Variants in TRERF1 observed in about 807,000 individuals in gnomAD.
The protein encoded by TRERF1 is transcriptional-regulating factor 1.
Under a neutral mutation model 122.9 loss-of-function variants are expected in TRERF1, and 27 were observed. The ratio of observed to expected loss-of-function variants is 0.22; its 90% CI spans 0.16 to 0.30. The LOEUF is 0.30. Among genes scored for constraint, TRERF1 ranks in the 10% least tolerant of loss-of-function variants. The pLI is 1.00. For synonymous variants in TRERF1, 636 were observed against 641.7 expected, an observed-to-expected ratio of 0.99 and a Z score of 0.13; for missense variants, 1,248 against 1,560.3, an observed-to-expected ratio of 0.80 and a Z score of 3.37.
In TRERF1 at chr6:42,327,055, C is replaced by T. The variant is rs551049503; in HGVS notation, c.-370-26306G>A. The stretch of plus-strand genomic sequence containing the variant: ...CAGAATCCTTGAGACATCTAAGAAT[C>T]CTCTGATGTTATACAATGCCCACAA... On this transcript the variant is annotated intron_variant, in intron 3 of 17. Transcript: ENST00000372922. Among the ~76,000 whole-genome samples the T allele has an allele frequency of 8.1e-4, 123 of 152,228 alleles. 1 individual carries two copies. The highest frequency in any genetic ancestry group is 2.9e-3 in the African/African-American group (121 of 41,526).
chr6:42,228,506 C>A lies in TRERF1; in HGVS notation c.3442G>T (p.Asp1148Tyr). The A allele has an allele frequency of 6.2e-7, 1 of 1,614,144 alleles. No homozygotes were observed. The highest frequency in any genetic ancestry group is 1.1e-5 in the South Asian group (1 of 91,076). The change falls in exon 18 of 18, where the codon GAC becomes TAC. Residue 1148 changes from aspartate (D) to tyrosine (Y), a missense_variant. Asp to Tyr is a radical substitution (Grantham distance 160). Coordinates refer to ENST00000372922, the Ensembl canonical transcript of TRERF1. This position sits in a 1 kb window ranked among gnomAD's most constrained non-coding sequence, Gnocchi z 4.2. ...ATGGGTTTGATCAGACTCAGCTGGT[C>A]CAGGGGCAGCAGCCCCGGCGCCCCC...
chr6:42,386,032 A>C (rs1776742589), intron 2 of TRERF1, among the ~76,000 whole-genome samples: 1 of 152,154 alleles, frequency 6.6e-6, no homozygotes, highest in African/African-American at 2.4e-5. Context: ...CAATTCAGAG[A>C]TTCATTAATC....
intron 2 of TRERF1, among the ~76,000 whole-genome samples, chr6:42,374,316 T>C (rs1380957472): frequency 6.6e-6 from 1 of 152,084 alleles, no homozygotes; most frequent in Admixed American, 6.6e-5. Context: ...TCCAGCTGGA[T>C]TTAGTTAAAG....
chr6:42,347,092 G>A (rs770788012), intron 3 of TRERF1, among the ~76,000 whole-genome samples: 2 of 152,184 alleles, frequency 1.3e-5, no homozygotes, highest in Non-Finnish European at 2.9e-5. Flanking sequence ...GTTGGGAGAG[G>A]ACCCCATGTA....
intron 13 of TRERF1, among the ~76,000 whole-genome samples, chr6:42,250,992 CTTTTTTTTTTTT>C (rs70987586): frequency 2.0e-5 from 2 of 97,596 alleles, no homozygotes; most frequent in African/African-American, 4.2e-5. Flanking sequence ...TCTTTTGCTT[CTTTTTTTTTTTT>C]TTTTTTTTTT....
intron 2 of TRERF1, among the ~76,000 whole-genome samples, chr6:42,429,767 A>C (rs1278964342): frequency 2.0e-5 from 3 of 152,134 alleles, no homozygotes; most frequent in Non-Finnish European, 4.4e-5. Context: ...TAGGAGAGGG[A>C]GGACTGGCAA....
chr6:42,374,147 A>AGAAGAAGAAG (rs1554193462), intron 2 of TRERF1, among the ~76,000 whole-genome samples: 2 of 141,088 alleles, frequency 1.4e-5, no homozygotes, highest in African/African-American at 5.8e-5. Flanking sequence ...TAAAAAAAAA[A>AGAAGAAGAAG]AAAAAGAAGA....
intron 10 of TRERF1, 74 bp from the exon 11 acceptor site, chr6:42,257,176 A>T: frequency 6.4e-7 from 1 of 1,553,868 alleles, no homozygotes; most frequent in Non-Finnish European, 8.7e-7. Flanking sequence ...ACTGTCAGGA[A>T]CTTGAAAAAG....
chr6:42,431,483 CCAAAG>C (rs1338051737), intron 2 of TRERF1, among the ~76,000 whole-genome samples: 2 of 152,150 alleles, frequency 1.3e-5, no homozygotes, highest in African/African-American at 4.8e-5. Context: ...TTTATTAGGT[CCAAAG>C]CACCAGCGCT....
intron 1 of TRERF1, 88 bp from the exon 2 acceptor site, chr6:42,451,349 A>G (rs1291505606): frequency 6.6e-6 from 1 of 152,168 alleles, no homozygotes; most frequent in Non-Finnish European, 1.5e-5. Flanking sequence ...CTGTAAACAA[A>G]TATCGCTCCG....
At chr6:42,440,306 T>G (rs1003994531) in intron 2 of TRERF1, among the ~76,000 whole-genome samples, 7 of 152,144 alleles carry the variant, frequency 4.6e-5, no homozygotes, top group Admixed American at 3.3e-4. Context: ...AAAGGCAGCA[T>G]AGTCTAAGGA....
chr6:42,387,965 G>A (rs893217241), intron 2 of TRERF1, among the ~76,000 whole-genome samples: 1 of 151,992 alleles, frequency 6.6e-6, no homozygotes, highest in Non-Finnish European at 1.5e-5. Flanking sequence ...ATGCCACCAC[G>A]CTTGGCTAAT....
intron 4 of TRERF1, among the ~76,000 whole-genome samples, chr6:42,287,544 GC>G (rs1783485996): frequency 6.6e-6 from 1 of 152,096 alleles, no homozygotes. Context: ...ACCGGCCTTT[GC>G]TCTCTCCACC....
intron 3 of TRERF1, among the ~76,000 whole-genome samples, chr6:42,342,157 T>C (rs1237893356): frequency 1.3e-5 from 2 of 152,248 alleles, no homozygotes; most frequent in Admixed American, 6.5e-5. Flanking sequence ...AGATTCCCAC[T>C]GTCCTGAGCA....
chr6:42,410,804 T>C (rs1012564632), intron 2 of TRERF1, among the ~76,000 whole-genome samples: 2 of 152,372 alleles, frequency 1.3e-5, no homozygotes, highest in East Asian at 1.9e-4. Context: ...AAACATTTCC[T>C]AGTTAAGTCA....
At chr6:42,449,313 C>G (rs897381984) in intron 2 of TRERF1, among the ~76,000 whole-genome samples, 2 of 152,226 alleles carry the variant, frequency 1.3e-5, no homozygotes, top group African/African-American at 4.8e-5. Flanking sequence ...AATGGACATG[C>G]CTAAAAGGGC....
chr6:42,226,548 C>T (rs60843126), exon 18 of TRERF1: 128,545 of 151,784 alleles, frequency 0.85, 54,490 homozygotes, highest in East Asian at 0.92. Flanking sequence ...AAACTTTTTT[C>T]CCCCTCTAAA....
intron 16 of TRERF1, among the ~76,000 whole-genome samples, chr6:42,235,104 T>C (rs1258454907): frequency 6.6e-6 from 1 of 152,168 alleles, no homozygotes. Flanking sequence ...TAATTTTCAT[T>C]TTTTCTTAAA....
intron 3 of TRERF1, among the ~76,000 whole-genome samples, chr6:42,303,142 A>G (rs767062803): frequency 2.6e-5 from 4 of 152,224 alleles, no homozygotes; most frequent in Non-Finnish European, 5.9e-5. Flanking sequence ...CACCCATCCA[A>G]TGTTGGCTGG....
Sources: allele counts gnomAD v4.1 joint callset (sites outside exome capture counted in the v4.1 genomes callset), GRCh38; gene constraint gnomAD v4.1.1; non-coding constraint Gnocchi (gnomAD v3.1); transcripts MANE v1.5; gene names NCBI Gene and HGNC (gene_info 2026-07-23, HGNC 2026-07-21).